Variants in SPAG16 observed in about 807,000 individuals in gnomAD.
The protein encoded by SPAG16 is sperm-associated antigen 16 protein.
In SPAG16, 86 loss-of-function variants were observed where a neutral mutation model predicts 80.4. The ratio of observed to expected loss-of-function variants is 1.07; its 90% confidence interval spans 0.90 to 1.28. The LOEUF is 1.28. Ranked by LOEUF, SPAG16 falls within the 50% of genes most tolerant of loss-of-function variation. The pLI is 0.00. For missense variants in SPAG16, 870 were observed against 765.3 expected (o/e 1.14, Z -1.61); for synonymous variants, 294 against 265.9 (o/e 1.11, Z -1.03).
chr2:213,300,803 T>A (rs1180896962), intron 3 of SPAG16, among the ~76,000 whole-genome samples: 1 of 152,144 alleles, frequency 6.6e-6, no homozygotes, highest in Non-Finnish European at 1.5e-5. Context: ...AAATAAGTGC[T>A]GTCTGGAGTA....
chr2:214,053,050 C>G lies in SPAG16; in HGVS notation c.1527+38973C>G, dbSNP rs115639606. Among the ~76,000 whole-genome samples, 1,420 of 152,042 alleles carry G rather than the reference C, an allele frequency of 9.3e-3. 19 individuals are homozygous for G. The highest frequency in any genetic ancestry group is 0.032 in the African/African-American group (1,329 of 41,470). On this transcript the variant is annotated intron_variant, in intron 13 of 15. Coordinates refer to ENST00000331683, the MANE Select transcript of SPAG16 (RefSeq NM_024532.5). ...ATATTCTGTAGAGTTCACATGGGAC[C>G]AAAAATTGATTTAAGACATGAAAAT...
intron 4 of SPAG16, among the ~76,000 whole-genome samples, chr2:213,310,487 A>G (rs780830650): frequency 4.6e-5 from 7 of 152,038 alleles, no homozygotes; most frequent in Non-Finnish European, 7.4e-5. Flanking sequence ...GTTATAAAAC[A>G]CAAAGATATT....
chr2:214,267,299 T>C (rs7569273), intron 15 of SPAG16, among the ~76,000 whole-genome samples: 3,354 of 151,898 alleles, frequency 0.022, 85 homozygotes, highest in African/African-American at 0.057. Context: ...AAAACAGACA[T>C]ATTGACCAGT....
chr2:213,976,109 G>GAT (rs1553685173), intron 12 of SPAG16, among the ~76,000 whole-genome samples: 3,895 of 121,156 alleles, frequency 0.032, 96 homozygotes, highest in East Asian at 0.073. Context: ...CAGTGAGGGA[G>GAT]ATATATATAT....
intron 10 of SPAG16, among the ~76,000 whole-genome samples, chr2:213,729,431 A>T (rs1250928553): frequency 1.3e-5 from 2 of 152,184 alleles, no homozygotes; most frequent in Non-Finnish European, 2.9e-5. Flanking sequence ...CACTGTAAGC[A>T]TCAGTGAGTA....
At chr2:214,359,311 C>T (rs1365942834) in intron 15 of SPAG16, among the ~76,000 whole-genome samples, 1 of 151,782 alleles carries the variant, frequency 6.6e-6, no homozygotes, top group East Asian at 1.9e-4. Flanking sequence ...GGTTTAAACT[C>T]AGGTCTGCCT....
chr2:213,474,332 G>A (rs1287303600), intron 9 of SPAG16, among the ~76,000 whole-genome samples: 2 of 152,148 alleles, frequency 1.3e-5, no homozygotes, highest in Non-Finnish European at 2.9e-5. Flanking sequence ...GTTCTCTACA[G>A]GAGATAGGTC....
chr2:213,617,196 G>T (rs1290574750), intron 10 of SPAG16, among the ~76,000 whole-genome samples: 1 of 152,148 alleles, frequency 6.6e-6, no homozygotes, highest in African/African-American at 2.4e-5. Context: ...GAAGCTAATT[G>T]CTATTCCTAA....
chr2:213,313,125 G>A (rs2063265208), intron 4 of SPAG16, among the ~76,000 whole-genome samples: 1 of 151,764 alleles, frequency 6.6e-6, no homozygotes. Context: ...ACACAGGAAT[G>A]TAGTGACTCT....
At position 213,829,689 on chromosome 2, in the gene SPAG16, G is replaced by A. The variant is rs146389495; in HGVS notation, c.1071-32796G>A. ...CTTAATTACTGCTGCTGAATATTTA[G>A]GGCCCAGGGACTATTTCATCAGTAG... On this transcript the variant is annotated intron_variant, in intron 10 of 15. Transcript: ENST00000331683. Among the ~76,000 whole-genome samples, 40 of 152,190 alleles carry A rather than the reference G, an allele frequency of 2.6e-4. No individual in the cohort carries two copies. In the East Asian group the frequency reaches 6.4e-3, roughly 24 times the overall value.
chr2:213,348,634 T>C (rs1187347554), intron 6 of SPAG16, among the ~76,000 whole-genome samples: 4 of 152,214 alleles, frequency 2.6e-5, no homozygotes, highest in Admixed American at 2.0e-4. Context: ...CCTTCACTTA[T>C]GAAGGTTAGT....
chr2:214,327,032 A>G (rs1244230362), intron 15 of SPAG16, among the ~76,000 whole-genome samples: 4 of 151,544 alleles, frequency 2.6e-5, no homozygotes, highest in Non-Finnish European at 5.9e-5. Flanking sequence ...ACTAGTTTTT[A>G]AACTCTTACA....
chr2:214,258,490 T>TATATAC (rs771803590), intron 15 of SPAG16, among the ~76,000 whole-genome samples: 27 of 147,470 alleles, frequency 1.8e-4, no homozygotes, highest in East Asian at 1.8e-3. Context: ...TATATATATA[T>TATATAC]ACACACACAC....
intron 11 of SPAG16, among the ~76,000 whole-genome samples, chr2:213,864,588 A>G (rs947676261): frequency 2.0e-5 from 3 of 152,044 alleles, no homozygotes; most frequent in Admixed American, 6.5e-5. Flanking sequence ...CACAAGACAC[A>G]TATACTTTTT....
chr2:214,007,315 G>A (rs1221353309), intron 12 of SPAG16, among the ~76,000 whole-genome samples: 1 of 151,840 alleles, frequency 6.6e-6, no homozygotes, highest in Non-Finnish European at 1.5e-5. Context: ...AAACAATATG[G>A]CCAGGGATGG....
intron 9 of SPAG16, among the ~76,000 whole-genome samples, chr2:213,417,990 C>G (rs191801195): frequency 6.6e-6 from 1 of 152,078 alleles, no homozygotes; most frequent in Admixed American, 6.5e-5. Flanking sequence ...TCTCCTGCCT[C>G]AGCCTTCCAA....
At chr2:214,206,563 A>G (rs563296358) in intron 15 of SPAG16, among the ~76,000 whole-genome samples, 1 of 152,348 alleles carries the variant, frequency 6.6e-6, no homozygotes, top group Non-Finnish European at 1.5e-5. Context: ...GCTATAGTGA[A>G]TAATGCTGCA....
In SPAG16 at chr2:214,070,892, CT is replaced by C. The variant is rs199730908; in HGVS notation, c.1528-37302del. On this transcript the variant is annotated intron_variant, in intron 13 of 15. Transcript: ENST00000331683. ...ATTGCCCAGGGCTTTATAATTTTTT[CT>C]TCTTAATTCATAATATAAATTGGAA... 6.5e-4 allele frequency among the ~76,000 whole-genome samples: 99 copies of C among 151,924 alleles called. 1 individual carries two copies. In the East Asian group the frequency reaches 0.018, roughly 28 times the overall value.
At chr2:213,749,905 A>T (rs557855287) in intron 10 of SPAG16, among the ~76,000 whole-genome samples, 4 of 152,274 alleles carry the variant, frequency 2.6e-5, no homozygotes, top group African/African-American at 9.6e-5. Flanking sequence ...AATGTGTTTT[A>T]TTTTGTAGCA....
Sources: allele counts gnomAD v4.1 joint callset (sites outside exome capture counted in the v4.1 genomes callset), GRCh38; gene constraint gnomAD v4.1.1; transcripts MANE v1.5; gene names NCBI Gene and HGNC (gene_info 2026-07-23, HGNC 2026-07-21).